The following LRRC69 variants were observed in gnomAD, a reference collection of about 807,000 sequenced individuals.
LRRC69 encodes leucine-rich repeat-containing protein 69.
Under a neutral mutation model 37.8 loss-of-function variants are expected in LRRC69, and 42 were observed. The observed-to-expected ratio is 1.11, with a 90% CI of 0.87 to 1.44. The LOEUF is 1.44. Among genes scored for constraint, LRRC69 ranks in the 40% most tolerant of loss-of-function variants. LRRC69 has a pLI of 0.00. For missense variants in LRRC69, 357 were observed against 401.9 expected, an observed-to-expected ratio of 0.89 and a Z score of 0.96; for synonymous variants, 141 against 143.1, an observed-to-expected ratio of 0.99 and a Z score of 0.11.
chr8:91,149,782 C>G (rs1192404704), intron 5 of LRRC69, among the ~76,000 whole-genome samples: 2 of 151,918 alleles, frequency 1.3e-5, no homozygotes, highest in Admixed American at 1.3e-4. Context: ...TTGTAGTTCT[C>G]CTTGAAGAGG....
At chr8:91,206,543 T>C in intron 7 of LRRC69, 1 of 480,704 alleles carries the variant, frequency 2.1e-6, no homozygotes, top group Non-Finnish European at 3.4e-6. Context: ...GCGTGTCAGA[T>C]TACTCGGAAA....
intron 7 of LRRC69, among the ~76,000 whole-genome samples, chr8:91,207,538 C>A (rs1019983496): frequency 6.6e-6 from 1 of 152,164 alleles, no homozygotes; most frequent in African/African-American, 2.4e-5. Context: ...CTGGTGCCTA[C>A]CACAGTGATT....
At chr8:91,178,698 G>A (rs1447903202) in intron 5 of LRRC69, among the ~76,000 whole-genome samples, 2 of 152,184 alleles carry the variant, frequency 1.3e-5, no homozygotes, top group Non-Finnish European at 2.9e-5. Flanking sequence ...ATTTCAGGGT[G>A]TATGTGATTC....
chr8:91,113,104 T>C (rs1245011744), intron 1 of LRRC69, among the ~76,000 whole-genome samples: 1 of 152,026 alleles, frequency 6.6e-6, no homozygotes, highest in Non-Finnish European at 1.5e-5. Flanking sequence ...CCTTCATAGA[T>C]AGGAAGAATT....
intron 5 of LRRC69, among the ~76,000 whole-genome samples, chr8:91,163,280 A>AT (rs886487002): frequency 2.6e-5 from 4 of 151,386 alleles, no homozygotes; most frequent in Admixed American, 2.6e-4. Flanking sequence ...CCCACCCTCC[A>AT]TTTTTTTAGC....
At chr8:91,161,684 T>C (rs1808948033) in intron 5 of LRRC69, among the ~76,000 whole-genome samples, 1 of 151,302 alleles carries the variant, frequency 6.6e-6, no homozygotes, top group South Asian at 2.1e-4. Flanking sequence ...CTGTCTCTTT[T>C]TAGTCTAATG....
chr8:91,190,597 A>T (rs1809477387), intron 6 of LRRC69, among the ~76,000 whole-genome samples: 1 of 152,204 alleles, frequency 6.6e-6, no homozygotes, highest in South Asian at 2.1e-4. Context: ...TATTGTGAAT[A>T]GCTTTCCAAT....
chr8:91,203,709 T>G (rs1478958754), intron 7 of LRRC69, among the ~76,000 whole-genome samples: 1 of 151,942 alleles, frequency 6.6e-6, no homozygotes, highest in Non-Finnish European at 1.5e-5. Flanking sequence ...TCAGTGTATC[T>G]TATCACTAGC....
chr8:91,196,460 TC>T (rs1809602641), intron 6 of LRRC69, among the ~76,000 whole-genome samples: 1 of 152,048 alleles, frequency 6.6e-6, no homozygotes, highest in African/African-American at 2.4e-5. Context: ...GGTTCCATTC[TC>T]CCCATCACTT....
At chr8:91,119,536 T>G (rs970114770) in intron 1 of LRRC69, among the ~76,000 whole-genome samples, 2 of 152,064 alleles carry the variant, frequency 1.3e-5, no homozygotes, top group African/African-American at 4.8e-5. Context: ...CTTCTTCCAG[T>G]CAAAGGACCA....
At position 91,155,901 on chromosome 8, in the gene LRRC69, A is replaced by C. The variant is rs943897105; in HGVS notation, c.651+20162A>C. The stretch of plus-strand genomic sequence containing the variant: ...TATATACACAACATATATATATACA[A>C]CATATATATATACAACATATATATA... On this transcript the variant is annotated intron_variant, in intron 5 of 7. Transcript: ENST00000448384. 4.0e-5 allele frequency among the ~76,000 whole-genome samples: 6 copies of C among 149,230 alleles called. No individual in the cohort carries two copies. The East Asian group carries it at 1.2e-3, about 29-fold the overall frequency.
intron 5 of LRRC69, among the ~76,000 whole-genome samples, chr8:91,140,392 C>T (rs941471299): frequency 6.6e-6 from 1 of 151,882 alleles, no homozygotes; most frequent in African/African-American, 2.4e-5. Context: ...TTGTAAGTAG[C>T]ATTTTTCTGG....
At chr8:91,151,575 G>C (rs188252338) in intron 5 of LRRC69, among the ~76,000 whole-genome samples, 106 of 151,632 alleles carry the variant, frequency 7.0e-4, no homozygotes, top group African/African-American at 2.4e-3. Flanking sequence ...CCAAGTCTTT[G>C]CTATTGTGAA....
chr8:91,108,603 T>C (rs979410200), intron 1 of LRRC69, among the ~76,000 whole-genome samples: 1 of 152,052 alleles, frequency 6.6e-6, no homozygotes, highest in African/African-American at 2.4e-5. Flanking sequence ...AACGTGCAAC[T>C]GAGTTAAGAT....
At chr8:91,190,159 A>T (rs983068469) in intron 6 of LRRC69, among the ~76,000 whole-genome samples, 1 of 152,092 alleles carries the variant, frequency 6.6e-6, no homozygotes, top group Admixed American at 6.5e-5. Flanking sequence ...TCTGAGATCC[A>T]TTTGGGTCTG....
intron 1 of LRRC69, among the ~76,000 whole-genome samples, chr8:91,111,887 T>A (rs1813415242): frequency 6.6e-6 from 1 of 150,878 alleles, no homozygotes; most frequent in South Asian, 2.1e-4. Flanking sequence ...AACTTAAAAG[T>A]GAAAAAAATA....
intron 5 of LRRC69, among the ~76,000 whole-genome samples, chr8:91,138,098 G>A (rs1409737622): frequency 5.3e-5 from 8 of 151,834 alleles, no homozygotes; most frequent in South Asian, 2.1e-4. Context: ...ACCTCATAAG[G>A]TTGTTATGTC....
intron 5 of LRRC69, among the ~76,000 whole-genome samples, chr8:91,166,776 C>T (rs1392505735): frequency 6.6e-6 from 1 of 151,756 alleles, no homozygotes; most frequent in African/African-American, 2.4e-5. Context: ...TGGGGAATGG[C>T]AAGTAGAGTC....
At chr8:91,161,178 A>G (rs1043275372) in intron 5 of LRRC69, among the ~76,000 whole-genome samples, 1 of 151,260 alleles carries the variant, frequency 6.6e-6, no homozygotes, top group African/African-American at 2.4e-5. Context: ...ATTTTGATAT[A>G]CTGTTGGATT....
Sources: allele counts gnomAD v4.1 joint callset (sites outside exome capture counted in the v4.1 genomes callset), GRCh38; gene constraint gnomAD v4.1.1; transcripts MANE v1.5; gene names NCBI Gene and HGNC (gene_info 2026-07-23, HGNC 2026-07-21).